Variants in ATP10B observed in about 807,000 individuals in gnomAD.
ATP10B encodes ATPase phospholipid transporting 10B (putative).
ATP10B carries 122 observed loss-of-function variants against 141.2 expected under a neutral mutation model. That is an observed-to-expected ratio of 0.86 (90% CI 0.75 to 1.00). ATP10B has a LOEUF of 1.00. Among genes scored for constraint, ATP10B ranks in the 50% least tolerant of loss-of-function variants. The probability of loss-of-function intolerance (pLI) is 0.00; values close to 1 mark genes in which losing one functional copy is unlikely to be tolerated. For missense variants in ATP10B, 1,876 were observed against 1,825.3 expected, an observed-to-expected ratio of 1.03 and a Z score of -0.51; for synonymous variants, 685 against 692.0, an observed-to-expected ratio of 0.99 and a Z score of 0.16.
At chr5:160,887,241 T>C in the ATP10B span, among the ~76,000 whole-genome samples, 2 of 152,232 alleles carry the variant, frequency 1.3e-5, no homozygotes, top group African/African-American at 4.8e-5. Context: ...ACTATTTGTG[T>C]ATAACCAATG....
At chr5:160,878,472 G>C in the ATP10B span, among the ~76,000 whole-genome samples, 2 of 152,200 alleles carry the variant, frequency 1.3e-5, no homozygotes, top group East Asian at 1.9e-4. Context: ...CATAGGCATG[G>C]GCAAGGACAC....
intron 10 of ATP10B, among the ~76,000 whole-genome samples, chr5:160,637,777 G>T (rs1396177368): frequency 6.6e-6 from 1 of 152,244 alleles, no homozygotes; most frequent in Non-Finnish European, 1.5e-5. Context: ...AGGCATAGAG[G>T]ATGTTGCAAT....
chr5:160,582,729 G>C (rs1339651524), intron 24 of ATP10B, among the ~76,000 whole-genome samples: 1 of 152,142 alleles, frequency 6.6e-6, no homozygotes, highest in Non-Finnish European at 1.5e-5. Flanking sequence ...TCAAATATAG[G>C]TTTGGTCTTT....
chr5:160,824,372 A>C (rs537312462), intron 1 of ATP10B, among the ~76,000 whole-genome samples: 33 of 152,332 alleles, frequency 2.2e-4, no homozygotes, highest in African/African-American at 7.7e-4. Context: ...GCATGATCAC[A>C]AATATTCATC....
chr5:160,879,905 G>T, the ATP10B span, among the ~76,000 whole-genome samples: 1 of 151,978 alleles, frequency 6.6e-6, no homozygotes, highest in Non-Finnish European at 1.5e-5. Flanking sequence ...AAGGTTTCAG[G>T]ATACGAAGTT....
chr5:160,639,679 T>C (rs1332661705), intron 10 of ATP10B, among the ~76,000 whole-genome samples: 1 of 152,170 alleles, frequency 6.6e-6, no homozygotes, highest in Non-Finnish European at 1.5e-5. Flanking sequence ...TTGGTATCAG[T>C]GGCTGGTTTT....
intron 7 of ATP10B, among the ~76,000 whole-genome samples, chr5:160,653,857 AT>A (rs1761224076): frequency 8.0e-6 from 1 of 125,622 alleles, no homozygotes; most frequent in Non-Finnish European, 1.6e-5. Flanking sequence ...ACATATATAA[AT>A]ATATATTAAT....
At chr5:160,582,506 A>G (rs1755618413) in intron 24 of ATP10B, among the ~76,000 whole-genome samples, 1 of 152,204 alleles carries the variant, frequency 6.6e-6, no homozygotes, top group African/African-American at 2.4e-5. Flanking sequence ...TTACAGAGAT[A>G]TCTGCTGTTA....
At chr5:160,894,663 G>A in the ATP10B span, among the ~76,000 whole-genome samples, 139 of 152,260 alleles carry the variant, frequency 9.1e-4, no homozygotes, top group Non-Finnish European at 1.6e-3. Context: ...CCCTGACCTA[G>A]CAAGACAGGC....
In ATP10B at chr5:160,583,600, C is replaced by T. The variant is rs377619721; in HGVS notation, c.3750+5992G>A. On this transcript the variant is annotated intron_variant, in intron 24 of 25. Transcript: ENST00000327245. Reference sequence around the variant, plus strand: ...GTGCTTCAGAGCTGGCCGTCAGGAACGTTTAAGTCTGCTGAAGCTGTGCCT... The same window carrying T: ...GTGCTTCAGAGCTGGCCGTCAGGAATGTTTAAGTCTGCTGAAGCTGTGCCT... Among the ~76,000 whole-genome samples, 11 of 152,322 alleles carry T rather than the reference C, an allele frequency of 7.2e-5. No individual in the cohort carries two copies. In the East Asian group the frequency reaches 1.2e-3, roughly 16 times the overall value.
chr5:160,633,417 A>G (rs2421529), intron 12 of ATP10B: 132,421 of 152,234 alleles, frequency 0.87, 57,819 homozygotes, highest in African/African-American at 0.91. Context: ...GCAGGGACAC[A>G]GATGAACAGG....
chr5:160,919,515 T>C, the ATP10B span, among the ~76,000 whole-genome samples: 2 of 152,162 alleles, frequency 1.3e-5, no homozygotes, highest in East Asian at 1.9e-4. Context: ...GTAGACCCTA[T>C]TAAGAATGTT....
chr5:160,609,700 G>T (rs1757602046), intron 18 of ATP10B, among the ~76,000 whole-genome samples: 1 of 152,188 alleles, frequency 6.6e-6, no homozygotes, highest in Admixed American at 6.6e-5. Flanking sequence ...ATTTTGGAAA[G>T]AATAAAGACA....
intron 3 of ATP10B, chr5:160,692,929 G>T (rs1182839023): frequency 1.3e-5 from 2 of 152,120 alleles, no homozygotes; most frequent in South Asian, 2.1e-4. Context: ...CACATATTGG[G>T]CGCTGGACCT....
intron 7 of ATP10B, among the ~76,000 whole-genome samples, chr5:160,665,416 C>T (rs1238650359): frequency 6.6e-6 from 1 of 152,164 alleles, no homozygotes; most frequent in Non-Finnish European, 1.5e-5. Flanking sequence ...CTGAAAAGGT[C>T]CATAGGAATG....
At chr5:160,901,381 G>C in the ATP10B span, among the ~76,000 whole-genome samples, 4 of 152,070 alleles carry the variant, frequency 2.6e-5, no homozygotes, top group African/African-American at 9.7e-5. Context: ...TGTCTGCTTT[G>C]TTTCTCAGTG....
chr5:160,904,268 C>G, the ATP10B span, among the ~76,000 whole-genome samples: 2 of 152,192 alleles, frequency 1.3e-5, no homozygotes, highest in Non-Finnish European at 2.9e-5. Context: ...AGGGTTTCCA[C>G]TTCCTAGCTA....
intron 22 of ATP10B, among the ~76,000 whole-genome samples, chr5:160,592,522 G>A (rs2127614080): frequency 6.6e-6 from 1 of 152,326 alleles, no homozygotes; most frequent in African/African-American, 2.4e-5. Context: ...TCCATCTGAG[G>A]TACCGGGTTC....
chr5:160,899,031 A>T, the ATP10B span, among the ~76,000 whole-genome samples: 1 of 152,098 alleles, frequency 6.6e-6, no homozygotes, highest in Non-Finnish European at 1.5e-5. Flanking sequence ...CATTAGGGGA[A>T]ATACCTAATA....
Sources: allele counts gnomAD v4.1 joint callset (sites outside exome capture counted in the v4.1 genomes callset), GRCh38; gene constraint gnomAD v4.1.1; transcripts MANE v1.5; gene names NCBI Gene and HGNC (gene_info 2026-07-23, HGNC 2026-07-21).